The following RGS7 variants were observed in gnomAD, a reference collection of about 807,000 sequenced individuals.
RGS7 encodes regulator of G-protein signaling 7.
In RGS7, 27 loss-of-function variants were observed where a neutral mutation model predicts 81.1. The ratio of observed to expected loss-of-function variants is 0.33; its 90% CI spans 0.25 to 0.46. RGS7 has a LOEUF of 0.46. Among genes scored for constraint, RGS7 ranks in the 20% least tolerant of loss-of-function variants. The pLI is 1.00. For missense variants in RGS7, 396 were observed against 607.4 expected (o/e 0.65, Z 3.66); for synonymous variants, 208 against 207.7 (o/e 1.00, Z -0.01).
chr1:241,114,948 C>A (rs565187264), intron 2 of RGS7, among the ~76,000 whole-genome samples: 4 of 152,272 alleles, frequency 2.6e-5, no homozygotes, highest in African/African-American at 9.6e-5. Flanking sequence ...TTCTTCTTTC[C>A]TTTCTCACAC....
At position 240,862,482 on chromosome 1, in the gene RGS7, A is replaced by G. The variant is rs562152259; in HGVS notation, c.609+6105T>C. Reference sequence around the variant, plus strand: ...ATGCTCGTGTCAAATCGGATCAAATAAAAGTATTCAAAAGGCAAGGTAGCA... The same window carrying G: ...ATGCTCGTGTCAAATCGGATCAAATGAAAGTATTCAAAAGGCAAGGTAGCA... On this transcript the variant is annotated intron_variant, in intron 9 of 18. Transcript: ENST00000440928. 8.5e-5 allele frequency among the ~76,000 whole-genome samples: 13 copies of G among 152,324 alleles called. No homozygotes were observed. The South Asian group carries it at 2.7e-3, about 32-fold the overall frequency.
rs71172643 is a variant in RGS7, at chr1:240,779,099, T to TTGTGTG, written c.*7-2892_*7-2887dup. Among the ~76,000 whole-genome samples the TTGTGTG allele has an allele frequency of 3.9e-3, 565 of 144,290 alleles. 2 individuals carry two copies. Among genetic ancestry groups the TTGTGTG allele is most frequent in the East Asian group, 0.013 (60 of 4,724 alleles). 94.7% of individuals were successfully genotyped at this position (144,290 alleles called of 152,430 possible). A position where few individuals can be genotyped will look rare whatever the true frequency, so the allele number is the denominator to read the frequency against. On this transcript the variant is annotated intron_variant, in intron 18 of 18. Transcript: ENST00000440928. ...CTCTCATTAATGGGATTAGTGTTCT[T>TTGTGTG]TGTGTGTGTGTGTGTGTGTGTGTGT...
chr1:240,953,139 C>T (rs994989828), intron 4 of RGS7, among the ~76,000 whole-genome samples: 4 of 151,864 alleles, frequency 2.6e-5, no homozygotes, highest in Non-Finnish European at 5.9e-5. Context: ...TTCAACACCA[C>T]TTTTTCATTA....
At chr1:241,308,004 T>C (rs1004543575) in intron 2 of RGS7, among the ~76,000 whole-genome samples, 1 of 152,212 alleles carries the variant, frequency 6.6e-6, no homozygotes, top group Non-Finnish European at 1.5e-5. Context: ...ATTCTTATGA[T>C]TTTATACTTA....
chr1:241,129,528 C>T (rs983935593), intron 2 of RGS7, among the ~76,000 whole-genome samples: 6 of 152,288 alleles, frequency 3.9e-5, no homozygotes, highest in Admixed American at 3.9e-4. Context: ...AAAAAAGCAT[C>T]GCCAGCACCC....
intron 2 of RGS7, among the ~76,000 whole-genome samples, chr1:241,259,667 A>AAAAAATATATATATATAT: frequency 2.0e-5 from 1 of 49,144 alleles, no homozygotes; most frequent in African/African-American, 7.9e-5. Flanking sequence ...AAAAAAAAAA[A>AAAAAATATATATATATAT]ATATATATAT....
chr1:240,897,239 T>C (rs1330999702), intron 6 of RGS7, among the ~76,000 whole-genome samples: 1 of 152,220 alleles, frequency 6.6e-6, no homozygotes, highest in Non-Finnish European at 1.5e-5. Flanking sequence ...AGGGACAATT[T>C]GACTTCCTCT....
intron 2 of RGS7, among the ~76,000 whole-genome samples, chr1:241,210,834 G>A (rs1034105576): frequency 1.2e-4 from 18 of 152,146 alleles, no homozygotes; most frequent in African/African-American, 1.2e-4. Flanking sequence ...GGACCTCCCC[G>A]GATCTCTACT....
chr1:241,270,345 C>A (rs1036644552), intron 2 of RGS7, among the ~76,000 whole-genome samples: 1 of 152,114 alleles, frequency 6.6e-6, no homozygotes, highest in African/African-American at 2.4e-5. Flanking sequence ...AAAATTGGAC[C>A]CAAGAACCAA....
chr1:241,029,303 T>C (rs2148721563), intron 3 of RGS7, among the ~76,000 whole-genome samples: 1 of 152,288 alleles, frequency 6.6e-6, no homozygotes, highest in South Asian at 2.1e-4. Context: ...ATACTTATTT[T>C]CAGCACCCTT....
At chr1:240,885,038 G>A (rs1416800079) in intron 6 of RGS7, among the ~76,000 whole-genome samples, 1 of 152,074 alleles carries the variant, frequency 6.6e-6, no homozygotes, top group East Asian at 1.9e-4. Context: ...CATCTATAAG[G>A]AACTTAAATT....
intron 2 of RGS7, among the ~76,000 whole-genome samples, chr1:241,300,671 C>T (rs926096573): frequency 6.6e-6 from 1 of 152,192 alleles, no homozygotes; most frequent in Non-Finnish European, 1.5e-5. Context: ...CACTAAAAGA[C>T]ATTTTGGTTA....
chr1:240,791,976 G>C (rs777234861), intron 18 of RGS7, among the ~76,000 whole-genome samples: 5 of 152,124 alleles, frequency 3.3e-5, no homozygotes, highest in Non-Finnish European at 5.9e-5. Flanking sequence ...AAGGTACTGT[G>C]CCAAATGTTG....
intron 2 of RGS7, among the ~76,000 whole-genome samples, chr1:241,297,567 A>G (rs1049274209): frequency 6.6e-6 from 1 of 152,208 alleles, no homozygotes; most frequent in Admixed American, 6.5e-5. Context: ...AAGACAGGCC[A>G]TGTCACCAGC....
In RGS7 at chr1:240,967,865, A is replaced by G. The variant is rs192854646; in HGVS notation, c.226+15214T>C. On this transcript the variant is annotated intron_variant, in intron 4 of 18. Transcript: ENST00000440928. ...TCATGTTTCCCAAATTCGAAATTAC[A>G]AAAAGCAAATTAGAGTTATTGCTTT... Among the ~76,000 whole-genome samples, 44 of 151,828 alleles carry G rather than the reference A, an allele frequency of 2.9e-4. 1 individual carries two copies. The East Asian group carries it at 8.1e-3, about 28-fold the overall frequency.
chr1:241,182,608 G>C (rs1485852698), intron 2 of RGS7, among the ~76,000 whole-genome samples: 1 of 150,976 alleles, frequency 6.6e-6, no homozygotes, highest in Non-Finnish European at 1.5e-5. Context: ...AGTTTTTCCA[G>C]GTCTTATGAA....
intron 2 of RGS7, among the ~76,000 whole-genome samples, chr1:241,301,807 G>C (rs2079778476): frequency 6.6e-6 from 1 of 152,190 alleles, no homozygotes; most frequent in African/African-American, 2.4e-5. Context: ...CTGACCTTTT[G>C]AATAGAATCT....
At chr1:240,908,253 C>A (rs369381563) in intron 6 of RGS7, among the ~76,000 whole-genome samples, 1 of 151,406 alleles carries the variant, frequency 6.6e-6, no homozygotes, top group Non-Finnish European at 1.5e-5. Context: ...ATGTAAACGA[C>A]GAGTTAATGG....
At chr1:241,125,538 G>C (rs566228498) in intron 2 of RGS7, among the ~76,000 whole-genome samples, 103 of 152,094 alleles carry the variant, frequency 6.8e-4, no homozygotes, top group African/African-American at 2.4e-3. Context: ...CTCCCACTCA[G>C]CTTTCAGCTT....
Sources: gnomAD v4.1 joint callset for allele counts (sites outside exome capture counted in the v4.1 genomes callset) on GRCh38, gnomAD v4.1.1 for gene constraint, MANE v1.5 for transcripts, NCBI Gene and HGNC (gene_info 2026-07-23, HGNC 2026-07-21) for gene names.